ROBO1: variants seen among roughly 807,000 people sequenced by gnomAD.
ROBO1 encodes roundabout homolog 1.
A neutral mutation model predicts 195.9 loss-of-function variants in ROBO1; 149 were observed. The observed-to-expected ratio is 0.76, with a 90% CI of 0.67 to 0.87. The LOEUF is 0.87. Among genes scored for constraint, ROBO1 ranks in the 40% least tolerant of loss-of-function variants. ROBO1 has a pLI of 0.00. For synonymous variants in ROBO1, 816 were observed against 733.2 expected, an observed-to-expected ratio of 1.11 and a Z score of -1.82; for missense variants, 1,933 against 2,068.3, an observed-to-expected ratio of 0.93 and a Z score of 1.27.
At chr3:78,913,177 T>C (rs2038352487) in intron 4 of ROBO1, among the ~76,000 whole-genome samples, 1 of 152,104 alleles carries the variant, frequency 6.6e-6, no homozygotes. Flanking sequence ...GGAGTAGAAA[T>C]GTGCATCATA....
chr3:79,594,550 A>G (rs964130898), intron 1 of ROBO1, among the ~76,000 whole-genome samples: 4 of 152,040 alleles, frequency 2.6e-5, no homozygotes, highest in African/African-American at 9.7e-5. Flanking sequence ...GTATGGAAGT[A>G]ATATAACCAG....
chr3:79,742,525 G>C (rs959322209), intron 1 of ROBO1, among the ~76,000 whole-genome samples: 2 of 152,082 alleles, frequency 1.3e-5, no homozygotes, highest in Admixed American at 1.3e-4. Flanking sequence ...CTGCCTCCCA[G>C]CTGGCCATAT....
intron 26 of ROBO1, among the ~76,000 whole-genome samples, chr3:78,619,943 G>A (rs1389135915): frequency 1.3e-5 from 2 of 150,534 alleles, no homozygotes; most frequent in African/African-American, 4.9e-5. Context: ...ACTTGAACCC[G>A]AGAGGCAGGG....
chr3:78,702,230 G>C (rs569522079), intron 8 of ROBO1, among the ~76,000 whole-genome samples: 1 of 152,098 alleles, frequency 6.6e-6, no homozygotes, highest in Non-Finnish European at 1.5e-5. Context: ...AATGATTCAT[G>C]CTGTGTATAT....
At chr3:79,143,313 C>T (rs2080569097) in intron 2 of ROBO1, among the ~76,000 whole-genome samples, 1 of 151,978 alleles carries the variant, frequency 6.6e-6, no homozygotes, top group Admixed American at 6.6e-5. Context: ...GCTTGCTTAC[C>T]TATGATTCTG....
intron 2 of ROBO1, among the ~76,000 whole-genome samples, chr3:79,475,235 T>C (rs1938491299): frequency 6.6e-6 from 1 of 151,834 alleles, no homozygotes; most frequent in African/African-American, 2.4e-5. Context: ...ATCATAAGGG[T>C]CAGAATCACA....
At chr3:78,793,393 A>T (rs2084084263) in intron 4 of ROBO1, among the ~76,000 whole-genome samples, 1 of 152,212 alleles carries the variant, frequency 6.6e-6, no homozygotes, top group African/African-American at 2.4e-5. Flanking sequence ...TCATTTTAAA[A>T]TTATTCTCTG....
intron 5 of ROBO1, among the ~76,000 whole-genome samples, chr3:78,739,970 A>G (rs1239905107): frequency 6.6e-6 from 1 of 152,206 alleles, no homozygotes; most frequent in Non-Finnish European, 1.5e-5. Context: ...AGTCAAAAAA[A>G]TGCAAGTGCC....
chr3:79,177,373 G>A (rs1360423610), intron 2 of ROBO1, among the ~76,000 whole-genome samples: 1 of 152,192 alleles, frequency 6.6e-6, no homozygotes, highest in Non-Finnish European at 1.5e-5. Flanking sequence ...CAGATGGAGT[G>A]CTGTTCCAGC....
chr3:79,162,240 T>C lies in ROBO1; in HGVS notation c.89-36701A>G, dbSNP rs144302787. Among the ~76,000 whole-genome samples, 183 of 152,128 alleles carry C rather than the reference T, an allele frequency of 1.2e-3. 1 individual carries two copies. Among genetic ancestry groups the C allele is most frequent in the African/African-American group, 4.2e-3 (175 of 41,500 alleles). ...ATGCCACACAGGATCCCAGTAAAAA[T>C]GTATTTCACTAGGTCAGAGAAAATC... On this transcript the variant is annotated intron_variant, in intron 2 of 30. Transcript: ENST00000464233.
chr3:79,226,276 C>G (rs1305172002), intron 2 of ROBO1, among the ~76,000 whole-genome samples: 2 of 152,110 alleles, frequency 1.3e-5, no homozygotes, highest in Non-Finnish European at 2.9e-5. Flanking sequence ...GAAACAGCCA[C>G]ACGGGACTGA....
At chr3:78,959,421 GT>G in intron 3 of ROBO1, among the ~76,000 whole-genome samples, 1 of 152,098 alleles carries the variant, frequency 6.6e-6, no homozygotes, top group Non-Finnish European at 1.5e-5. Flanking sequence ...TTCTCTACTT[GT>G]TTTTTATATT....
At chr3:79,203,741 G>C (rs530845274) in intron 2 of ROBO1, among the ~76,000 whole-genome samples, 1 of 152,232 alleles carries the variant, frequency 6.6e-6, no homozygotes, top group East Asian at 1.9e-4. Flanking sequence ...AACAGTTCAC[G>C]ATTTGCATTG....
intron 4 of ROBO1, among the ~76,000 whole-genome samples, chr3:78,789,461 G>C (rs6548598): frequency 0.047 from 7,109 of 152,154 alleles, 546 homozygotes; most frequent in African/African-American, 0.16. Flanking sequence ...GTAATGATTT[G>C]CGACTGACAT....
At chr3:79,526,712 A>C (rs1055628861) in intron 2 of ROBO1, 13 of 152,190 alleles carry the variant, frequency 8.5e-5, no homozygotes, top group African/African-American at 2.9e-4. Flanking sequence ...TTTTTGTCTA[A>C]GTATTCACTG....
intron 2 of ROBO1, among the ~76,000 whole-genome samples, chr3:79,568,045 G>A (rs568462766): frequency 2.4e-4 from 36 of 152,172 alleles, no homozygotes; most frequent in South Asian, 1.7e-3. Context: ...AGTTGGTGCC[G>A]TGAATGTAAG....
intron 2 of ROBO1, among the ~76,000 whole-genome samples, chr3:79,522,199 T>A (rs74811985): frequency 0.019 from 2,854 of 152,286 alleles, 112 homozygotes; most frequent in African/African-American, 0.064. Flanking sequence ...ATTGTATTGC[T>A]ACAATGGAAC....
intron 4 of ROBO1, among the ~76,000 whole-genome samples, chr3:78,774,053 A>T (rs142942213): frequency 6.6e-6 from 1 of 152,210 alleles, no homozygotes; most frequent in Non-Finnish European, 1.5e-5. Flanking sequence ...TCATTTTCTA[A>T]TTTAAGAATT....
intron 3 of ROBO1, among the ~76,000 whole-genome samples, chr3:79,092,806 G>A (rs1576664314): frequency 6.6e-6 from 1 of 152,132 alleles, no homozygotes; most frequent in Non-Finnish European, 1.5e-5. Context: ...TTGAAACCCA[G>A]AGTCAATCAT....
Sources: gnomAD v4.1 joint callset for allele counts (sites outside exome capture counted in the v4.1 genomes callset) on GRCh38, gnomAD v4.1.1 for gene constraint, MANE v1.5 for transcripts, NCBI Gene and HGNC (gene_info 2026-07-23, HGNC 2026-07-21) for gene names.